The following MAGI2 variants were observed in gnomAD, a reference collection of about 807,000 sequenced individuals.
The protein encoded by MAGI2 is membrane associated guanylate kinase, WW and PDZ domain containing 2.
Under a neutral mutation model 133.3 loss-of-function variants are expected in MAGI2, and 35 were observed. The ratio of observed to expected loss-of-function variants is 0.26; its 90% confidence interval spans 0.20 to 0.35. MAGI2 has a LOEUF of 0.35. Ranked by LOEUF, MAGI2 falls within the 10% of genes least tolerant of loss-of-function variation. MAGI2 has a pLI of 1.00. For synonymous variants in MAGI2, 729 were observed against 710.6 expected (o/e 1.03, Z -0.41); for missense variants, 1,636 against 1,863.4 (o/e 0.88, Z 2.25).
chr7:79,103,419 G>T (rs993224227), intron 1 of MAGI2, among the ~76,000 whole-genome samples: 2 of 152,056 alleles, frequency 1.3e-5, no homozygotes, highest in Non-Finnish European at 2.9e-5. Flanking sequence ...GATGAGTAAA[G>T]CATAGGGTTG....
intron 1 of MAGI2, among the ~76,000 whole-genome samples, chr7:79,450,440 G>A (rs1485319613): frequency 1.3e-5 from 2 of 152,088 alleles, no homozygotes; most frequent in Non-Finnish European, 2.9e-5. Context: ...GAATATACAA[G>A]AGAATTAATT....
At chr7:78,753,832 C>A (rs1823686308) in intron 2 of MAGI2, among the ~76,000 whole-genome samples, 1 of 151,756 alleles carries the variant, frequency 6.6e-6, no homozygotes, top group East Asian at 1.9e-4. Context: ...AAGTATGGTA[C>A]AAATGATGGC....
At chr7:78,993,597 T>C (rs549481884) in intron 2 of MAGI2, among the ~76,000 whole-genome samples, 27 of 152,168 alleles carry the variant, frequency 1.8e-4, no homozygotes, top group Middle Eastern at 6.8e-3. Flanking sequence ...TAGATCTTAG[T>C]TGCCATCCTC....
intron 2 of MAGI2, among the ~76,000 whole-genome samples, chr7:78,732,702 G>T (rs1383385595): frequency 6.6e-6 from 1 of 152,056 alleles, no homozygotes; most frequent in African/African-American, 2.4e-5. Context: ...GTACAATGAA[G>T]AAATGAAAAT....
chr7:79,129,421 T>C (rs1274859178), intron 1 of MAGI2, among the ~76,000 whole-genome samples: 1 of 152,220 alleles, frequency 6.6e-6, no homozygotes, highest in Non-Finnish European at 1.5e-5. Context: ...GTACTCCAAA[T>C]GTGATTAACA....
At chr7:79,359,638 G>A (rs1351766099) in intron 1 of MAGI2, among the ~76,000 whole-genome samples, 1 of 147,684 alleles carries the variant, frequency 6.8e-6, no homozygotes, top group African/African-American at 2.5e-5. Context: ...TCAAATGACA[G>A]CAGAGACCAA....
rs187962318 is a variant in MAGI2 at position 78,654,684 on chromosome 7, T to C, written c.419-27445A>G. On this transcript the variant is annotated intron_variant, in intron 2 of 21. Transcript: ENST00000354212. ...TGTTACTACTCTTTGTAATTATTTGTGTGTACTTTTACATATATGTATATA... is the reference window on the plus strand; with the variant it reads ...TGTTACTACTCTTTGTAATTATTTGCGTGTACTTTTACATATATGTATATA... 2.0e-3 allele frequency among the ~76,000 whole-genome samples: 294 copies of C among 146,320 alleles called. 2 individuals are homozygous for C. The highest frequency in any genetic ancestry group is 3.6e-3 in the Non-Finnish European group (243 of 66,844).
chr7:79,205,979 T>C (rs557842534), intron 1 of MAGI2, among the ~76,000 whole-genome samples: 2 of 151,488 alleles, frequency 1.3e-5, no homozygotes, highest in Non-Finnish European at 2.9e-5. Context: ...AAAGGATCTA[T>C]GGGTCAATGA....
At chr7:78,848,793 T>C (rs1016916121) in intron 2 of MAGI2, among the ~76,000 whole-genome samples, 2 of 152,036 alleles carry the variant, frequency 1.3e-5, no homozygotes, top group Non-Finnish European at 2.9e-5. Context: ...ATCCTAGAAG[T>C]CTTCCTCACC....
At chr7:78,784,123 G>A (rs951984723) in intron 2 of MAGI2, among the ~76,000 whole-genome samples, 1 of 151,888 alleles carries the variant, frequency 6.6e-6, no homozygotes, top group Non-Finnish European at 1.5e-5. Flanking sequence ...GATCAAGCAA[G>A]TCTGATCATT....
At chr7:78,853,254 G>A (rs1296518077) in intron 2 of MAGI2, among the ~76,000 whole-genome samples, 1 of 145,920 alleles carries the variant, frequency 6.9e-6, no homozygotes, top group Non-Finnish European at 1.5e-5. Context: ...AACTATATAG[G>A]AGGAAAAACC....
At chr7:78,163,023 A>G (rs4730085) in intron 15 of MAGI2, among the ~76,000 whole-genome samples, 14,993 of 152,220 alleles carry the variant, frequency 0.098, 804 homozygotes, top group East Asian at 0.17. Flanking sequence ...TTTTTTAAAG[A>G]AAATTCACTA....
chr7:78,047,542 C>T (rs1249476158), intron 21 of MAGI2, among the ~76,000 whole-genome samples: 4 of 152,208 alleles, frequency 2.6e-5, no homozygotes, highest in South Asian at 2.1e-4. Context: ...GGTTTGTCCT[C>T]CTCTGTTTTC....
chr7:78,325,682 A>G (rs1788511891), intron 9 of MAGI2, among the ~76,000 whole-genome samples: 1 of 152,202 alleles, frequency 6.6e-6, no homozygotes. Flanking sequence ...AAAGAAACCA[A>G]TGCATTAAGA....
At chr7:78,332,225 G>A (rs1789282523) in intron 9 of MAGI2, among the ~76,000 whole-genome samples, 1 of 152,206 alleles carries the variant, frequency 6.6e-6, no homozygotes, top group African/African-American at 2.4e-5. Context: ...AGAATAAAGA[G>A]GCACCACAAT....
chr7:78,183,368 C>T (rs191052906), intron 13 of MAGI2, among the ~76,000 whole-genome samples: 9 of 150,434 alleles, frequency 6.0e-5, no homozygotes, highest in African/African-American at 9.8e-5. Flanking sequence ...CAGGTTCAAG[C>T]GATTCTCCTG....
chr7:79,396,738 G>A (rs1457359084), intron 1 of MAGI2, among the ~76,000 whole-genome samples: 1 of 152,056 alleles, frequency 6.6e-6, no homozygotes, highest in Non-Finnish European at 1.5e-5. Context: ...GCAGACTGTG[G>A]AATAAAAGAA....
chr7:79,315,493 G>A (rs1369177391), intron 1 of MAGI2, among the ~76,000 whole-genome samples: 1 of 151,828 alleles, frequency 6.6e-6, no homozygotes, highest in Non-Finnish European at 1.5e-5. Context: ...TTTTTTTAAA[G>A]TAATGATCTG....
At chr7:78,906,932 G>T (rs1444587515) in intron 2 of MAGI2, among the ~76,000 whole-genome samples, 1 of 151,256 alleles carries the variant, frequency 6.6e-6, no homozygotes, top group Non-Finnish European at 1.5e-5. Context: ...GGGAGGAAAA[G>T]CTTAAGCAGG....
Sources: allele counts gnomAD v4.1 joint callset (sites outside exome capture counted in the v4.1 genomes callset), GRCh38; gene constraint gnomAD v4.1.1; transcripts MANE v1.5; gene names NCBI Gene and HGNC (gene_info 2026-07-23, HGNC 2026-07-21).